The following UNC13C variants were observed in gnomAD, a reference collection of about 807,000 sequenced individuals.
UNC13C encodes the protein protein unc-13 homolog C.
A neutral mutation model predicts 245.4 loss-of-function variants in UNC13C; 174 were observed. The ratio of observed to expected loss-of-function variants is 0.71; its 90% confidence interval spans 0.63 to 0.80. UNC13C has a LOEUF of 0.80. UNC13C is among the 30% of genes least tolerant of loss of function. The pLI is 0.00. For missense variants in UNC13C, 2,829 were observed against 2,602.9 expected, an observed-to-expected ratio of 1.09 and a Z score of -1.89; for synonymous variants, 992 against 895.1, an observed-to-expected ratio of 1.11 and a Z score of -1.93.
intron 4 of UNC13C, among the ~76,000 whole-genome samples, chr15:54,164,752 T>A (rs1321809942): frequency 1.3e-5 from 2 of 152,132 alleles, no homozygotes; most frequent in African/African-American, 4.8e-5. Context: ...CTCAGAACCA[T>A]CTGGTTGGCA....
chr15:53,987,927 A>G (rs1260235977), intron 1 of UNC13C, among the ~76,000 whole-genome samples: 1 of 152,038 alleles, frequency 6.6e-6, no homozygotes, highest in Non-Finnish European at 1.5e-5. Flanking sequence ...TGGGTTAATT[A>G]CAGAACTGTG....
chr15:54,106,328 T>C (rs562868719), intron 2 of UNC13C, among the ~76,000 whole-genome samples: 1 of 152,362 alleles, frequency 6.6e-6, no homozygotes, highest in Non-Finnish European at 1.5e-5. Context: ...GAATCATTAC[T>C]GATGTTCAAG....
At chr15:54,153,522 T>C (rs2141254172) in intron 4 of UNC13C, among the ~76,000 whole-genome samples, 1 of 152,152 alleles carries the variant, frequency 6.6e-6, no homozygotes, top group East Asian at 1.9e-4. Context: ...GAGCTGAGAT[T>C]TGAACTAGAT....
intron 13 of UNC13C, among the ~76,000 whole-genome samples, chr15:54,304,011 C>T (rs1337155138): frequency 1.3e-5 from 2 of 152,080 alleles, no homozygotes; most frequent in South Asian, 2.1e-4. Context: ...AAAGGCAAAA[C>T]TCCTGTTCAC....
chr15:54,265,595 A>T (rs980094741), intron 10 of UNC13C, 99 bp downstream of exon 10: 2 of 934,676 alleles, frequency 2.1e-6, no homozygotes, highest in Middle Eastern at 3.7e-4. Context: ...ATTTTTTAAT[A>T]ATCTCTTACC....
the UNC13C span, among the ~76,000 whole-genome samples, chr15:53,902,109 A>C: frequency 1.9e-4 from 29 of 151,882 alleles, no homozygotes; most frequent in South Asian, 5.1e-3. Flanking sequence ...TATTTTCAAT[A>C]TATCCTACTC....
At chr15:54,501,341 A>G (rs937363928) in intron 22 of UNC13C, among the ~76,000 whole-genome samples, 1 of 152,160 alleles carries the variant, frequency 6.6e-6, no homozygotes, top group Non-Finnish European at 1.5e-5. Context: ...ATTGTAGTAT[A>G]GTGCAATGTA....
At chr15:53,860,306 C>A in the UNC13C span, among the ~76,000 whole-genome samples, 1 of 152,042 alleles carries the variant, frequency 6.6e-6, no homozygotes. Context: ...GCTTTTATGA[C>A]CTAAAATGTT....
At chr15:54,385,837 A>C (rs181425259) in intron 17 of UNC13C, among the ~76,000 whole-genome samples, 79 of 152,254 alleles carry the variant, frequency 5.2e-4, no homozygotes, top group African/African-American at 1.8e-3. Flanking sequence ...TTTGTAAATT[A>C]TTATATATCA....
intron 10 of UNC13C, among the ~76,000 whole-genome samples, chr15:54,269,966 ATTAACT>A (rs1337464554): frequency 1.3e-5 from 2 of 152,250 alleles, no homozygotes; most frequent in African/African-American, 4.8e-5. Flanking sequence ...TAAAATATTT[ATTAACT>A]TTAAGTGAAG....
chr15:54,162,834 T>A (rs1470489533), intron 4 of UNC13C, among the ~76,000 whole-genome samples: 1 of 152,218 alleles, frequency 6.6e-6, no homozygotes, highest in Non-Finnish European at 1.5e-5. Context: ...AATCCCTTGT[T>A]AAAACTCAAC....
At chr15:54,607,921 C>G (rs750607768) in intron 30 of UNC13C, among the ~76,000 whole-genome samples, 3 of 152,132 alleles carry the variant, frequency 2.0e-5, no homozygotes, top group Non-Finnish European at 2.9e-5. Context: ...GGACACAGAA[C>G]CAAACCATAT....
chr15:54,446,661 A>C (rs1396891985), intron 19 of UNC13C, among the ~76,000 whole-genome samples: 1 of 152,200 alleles, frequency 6.6e-6, no homozygotes, highest in Non-Finnish European at 1.5e-5. Flanking sequence ...ACTTTGCTGA[A>C]GTTGCTTATC....
At chr15:54,220,762 A>G (rs2035201492) in intron 4 of UNC13C, among the ~76,000 whole-genome samples, 2 of 151,924 alleles carry the variant, frequency 1.3e-5, no homozygotes, top group African/African-American at 4.8e-5. Context: ...TAGTGGTGGC[A>G]TTGCTAAACA....
intron 16 of UNC13C, among the ~76,000 whole-genome samples, chr15:54,337,571 CT>C (rs1441516090): frequency 6.6e-6 from 1 of 152,060 alleles, no homozygotes; most frequent in Admixed American, 6.5e-5. Context: ...CCTGTTAGCT[CT>C]TTTTTTCTAA....
intron 30 of UNC13C, among the ~76,000 whole-genome samples, chr15:54,615,435 G>A (rs961391003): frequency 6.6e-6 from 1 of 151,826 alleles, no homozygotes; most frequent in Admixed American, 6.6e-5. Flanking sequence ...TTACCTCAGT[G>A]ATCACCAAGA....
chr15:54,278,158 G>A (rs1042837568), intron 10 of UNC13C, among the ~76,000 whole-genome samples: 1 of 152,102 alleles, frequency 6.6e-6, no homozygotes, highest in African/African-American at 2.4e-5. Flanking sequence ...AGTTTTTGCT[G>A]TGCCTTTTTA....
At chr15:54,572,054 C>G (rs1897778943) in intron 30 of UNC13C, among the ~76,000 whole-genome samples, 1 of 152,074 alleles carries the variant, frequency 6.6e-6, no homozygotes, top group African/African-American at 2.4e-5. Flanking sequence ...GGATCCCTCC[C>G]CAGGCAGACC....
intron 17 of UNC13C, among the ~76,000 whole-genome samples, chr15:54,373,835 C>A (rs1419496160): frequency 6.6e-6 from 1 of 152,130 alleles, no homozygotes; most frequent in South Asian, 2.1e-4. Context: ...TGTCTCACAT[C>A]CAGGAAGAAT....
Sources: gnomAD v4.1 joint callset for allele counts (sites outside exome capture counted in the v4.1 genomes callset) on GRCh38, gnomAD v4.1.1 for gene constraint, MANE v1.5 for transcripts, NCBI Gene and HGNC (gene_info 2026-07-23, HGNC 2026-07-21) for gene names.